Variants in ABHD8 observed in about 807,000 individuals in gnomAD.
The protein encoded by ABHD8 is abhydrolase domain containing 8, also known as protein ABHD8.
In ABHD8, 10 loss-of-function variants were observed where a neutral mutation model predicts 29.3. The ratio of observed to expected loss-of-function variants is 0.34; its 90% confidence interval spans 0.21 to 0.58. The LOEUF is 0.58. Ranked by LOEUF, ABHD8 falls within the 20% of genes least tolerant of loss-of-function variation. The pLI is 0.85. For synonymous variants in ABHD8, 282 were observed against 274.6 expected (o/e 1.03, Z -0.27); for missense variants, 556 against 615.3 (o/e 0.90, Z 1.02).
At position 17,302,843 on chromosome 19, in the gene ABHD8, C is replaced by T. The variant is rs1360345260; in HGVS notation, c.-9+399G>A. ...TTACATAACCTAAGGGGGGGATACC[C>T]GAGCAGTGCACCCCCATTGTCGAGG... On this transcript the variant is annotated intron_variant, in intron 1 of 4. Transcript: ENST00000247706. 3 of 152,342 alleles carry T rather than the reference C, an allele frequency of 2.0e-5. No individual in the cohort carries two copies. The East Asian group carries it at 5.8e-4, about 29-fold the overall frequency. The allele number at this position is 152,342 out of a possible 1,614,324, so 9.4% of individuals were successfully genotyped here.
intron 2 of ABHD8, among the ~76,000 whole-genome samples, chr19:17,297,307 T>G (rs1297971968): frequency 6.6e-6 from 1 of 152,044 alleles, no homozygotes; most frequent in Non-Finnish European, 1.5e-5. Flanking sequence ...TTTTTTGTTT[T>G]TTTCTCGAGA....
Position 17,301,207 on chromosome 19 carries a change from C to G in ABHD8, c.410G>C (p.Gly137Ala), listed in dbSNP as rs774320476. ...ACCACTGCCACTGCCGCTGCCGCTG[C>G]CTGCGCTGCCGGGGGCCAAGCGGCC... Reference protein sequence around the residue: ...SDGRLAPGSAGSGSGSGSGGR... With the variant: ...SDGRLAPGSAASGSGSGSGGR... The change falls in exon 2 of 5, where the codon GGC becomes GCC. Residue 137 changes from glycine to alanine, a missense_variant. Physicochemically the swap from Gly to Ala is moderately conservative, Grantham distance 60. Coordinates refer to ENST00000247706, the MANE Select transcript of ABHD8 (RefSeq NM_024527.5). 3.1e-6 allele frequency: 5 copies of G among 1,600,208 alleles called. No homozygotes were observed. The Admixed American group carries it at 8.5e-5, about 27-fold the overall frequency.
chr19:17,296,202 C>A (rs1207960661), intron 2 of ABHD8: 1 of 151,690 alleles, frequency 6.6e-6, no homozygotes, highest in Admixed American at 6.6e-5. Flanking sequence ...GAAGTTTCAC[C>A]AGACTTTTTA....
At chr19:17,295,255 G>A (rs1045994626) in intron 2 of ABHD8, among the ~76,000 whole-genome samples, 41 of 150,258 alleles carry the variant, frequency 2.7e-4, no homozygotes, top group South Asian at 8.4e-4. Context: ...ACAGGCGCCC[G>A]CCACCGCGCC....
At chr19:17,294,161 G>A (rs977652491) in intron 4 of ABHD8, 127 bp downstream of exon 4, 3 of 1,197,564 alleles carry the variant, frequency 2.5e-6, no homozygotes, top group Admixed American at 2.5e-5. Flanking sequence ...CGCCCACCCG[G>A]CAGCCACGCC....
At chr19:17,295,385 G>T (rs774067241) in intron 2 of ABHD8, among the ~76,000 whole-genome samples, 86 of 152,162 alleles carry the variant, frequency 5.7e-4, no homozygotes, top group Non-Finnish European at 1.0e-3. Flanking sequence ...GGGATTACAG[G>T]CCTGAGCCAC....
chr19:17,303,312 G>A lies in ABHD8; in HGVS notation c.-79C>T, dbSNP rs1174462244. The A allele has an allele frequency of 6.6e-6, 1 of 152,326 alleles. No individual in the cohort carries two copies. The highest frequency in any genetic ancestry group is 2.4e-5 in the African/African-American group (1 of 41,470). 9.4% of individuals were successfully genotyped at this position (152,326 alleles called of 1,614,324 possible). On this transcript the variant is annotated 5_prime_UTR_variant, in exon 1 of 5. Transcript: ENST00000247706. Reference sequence around the variant, plus strand: ...GCGGAGAAGCCAGCGTCCGCCTGCTGGCGCCGTTTACATGGTGGCGCGGGG... The same window carrying A: ...GCGGAGAAGCCAGCGTCCGCCTGCTAGCGCCGTTTACATGGTGGCGCGGGG...
chr19:17,299,241 C>CG (rs1057322317), intron 2 of ABHD8, among the ~76,000 whole-genome samples: 13 of 128,308 alleles, frequency 1.0e-4, no homozygotes, highest in Admixed American at 3.8e-4. Flanking sequence ...GAGACCCCCC[C>CG]CCCATTCTCT....
Position 17,301,250 on chromosome 19 carries a change from C to A in ABHD8, c.367G>T (p.Asp123Tyr), listed in dbSNP as rs750143429. 8.4e-5 allele frequency: 134 copies of A among 1,597,644 alleles called. No homozygotes were observed. Among genetic ancestry groups the A allele is most frequent in the Non-Finnish European group, 1.1e-4 (133 of 1,175,192 alleles). Reference sequence around the variant, plus strand: ...AAGCGGCCATCGCTGCCCGCCGGATCTGCCAGCTCCACCTCCAGGGCGGCC... The same window carrying A: ...AAGCGGCCATCGCTGCCCGCCGGATATGCCAGCTCCACCTCCAGGGCGGCC... ...PPAALEVELA[D>Y]PAGSDGRLAP... Residue 123 changes from aspartate (D) to tyrosine (Y), a missense_variant, in exon 2 of 5, where the codon GAT becomes TAT. Around this residue, in one of 2 missense-constraint regions of ABHD8, gnomAD observed 286 missense variants for 261.4 expected, o/e 1.09. Coordinates refer to ENST00000247706, the MANE Select transcript of ABHD8 (RefSeq NM_024527.5).
intron 3 of ABHD8, 66 bp downstream of exon 3, chr19:17,294,609 C>T: frequency 6.2e-7 from 1 of 1,606,712 alleles, no homozygotes; most frequent in Non-Finnish European, 8.5e-7. Context: ...CCCCTCCCAT[C>T]CAACTCGAGC....
intron 1 of ABHD8, among the ~76,000 whole-genome samples, 152 bp from the exon 2 acceptor site, chr19:17,301,776 TTGTGTGTGTG>T (rs10679164): frequency 0.12 from 17,189 of 147,440 alleles, 1,159 homozygotes; most frequent in Middle Eastern, 0.18. Flanking sequence ...ATTTTTTTGT[TTGTGTGTGTG>T]TGTGTGTGTG....
At chr19:17,298,684 GA>G (rs941159954) in intron 2 of ABHD8, among the ~76,000 whole-genome samples, 2 of 132,898 alleles carry the variant, frequency 1.5e-5, no homozygotes, top group South Asian at 2.5e-4. Flanking sequence ...GCCCCTCACA[GA>G]AAAAAAATAA....
chr19:17,299,336 C>T (rs760404186), intron 2 of ABHD8, among the ~76,000 whole-genome samples: 7 of 149,368 alleles, frequency 4.7e-5, no homozygotes, highest in Admixed American at 1.3e-4. Flanking sequence ...CCGAGGAGGG[C>T]GAATCACGAG....
chr19:17,303,376 TGGCGGTCA>T lies in ABHD8; in HGVS notation c.-151_-144del, dbSNP rs2145662874. 1.3e-5 allele frequency: 2 copies of T among 152,362 alleles called. No individual in the cohort carries two copies. Among genetic ancestry groups the T allele is most frequent in the South Asian group, 4.1e-4 (2 of 4,830 alleles). The allele number at this position is 152,362 out of a possible 1,614,324, so 9.4% of individuals were successfully genotyped here. ...GTCTACGCGGGCGGGCACCTGCCCCTGGCGGTCAGCGCAGGGGCATCCCGCGGCCGCCG... is the reference window on the plus strand; with the variant it reads ...GTCTACGCGGGCGGGCACCTGCCCCTGCGCAGGGGCATCCCGCGGCCGCCG... On this transcript the variant is annotated 5_prime_UTR_variant, in exon 1 of 5. An upstream open reading frame in the 5' UTR loses its in-frame stop. Transcript: ENST00000247706.
chr19:17,297,244 A>C (rs527898080), intron 2 of ABHD8, among the ~76,000 whole-genome samples: 73 of 152,206 alleles, frequency 4.8e-4, no homozygotes, highest in African/African-American at 1.7e-3. Context: ...GTGCTGACCT[A>C]ATAGCACTGT....
At position 17,292,716 on chromosome 19, in the gene ABHD8, G is replaced by A. The variant is rs1479351565; in HGVS notation, c.1265C>T (p.Pro422Leu). Residue 422 changes from proline to leucine, a missense_variant, in exon 5 of 5, where the codon CCC (proline) becomes CTC (leucine). This residue lies in a region of ABHD8 where 270 missense variants were observed against 353.9 expected (regional missense o/e 0.76). Coordinates refer to ENST00000247706, the MANE Select transcript of ABHD8 (RefSeq NM_024527.5). ...LHEFLLWEPE[P>L]SPKALPEPLP... ...TGGCTCCGGTAGAGCCTTGGGCGAG[G>A]GCTCGGGCTCCCAGAGCAGGAATTC... 3 of 1,613,576 alleles carry A rather than the reference G, an allele frequency of 1.9e-6. No individual in the cohort carries two copies. The highest frequency in any genetic ancestry group is 1.7e-5 in the Admixed American group (1 of 59,984).
At chr19:17,297,302 T>C (rs1372935830) in intron 2 of ABHD8, among the ~76,000 whole-genome samples, 2 of 152,076 alleles carry the variant, frequency 1.3e-5, no homozygotes, top group African/African-American at 4.8e-5. Flanking sequence ...TTTGTTTTTT[T>C]GTTTTTTTCT....
intron 2 of ABHD8, chr19:17,296,192 G>A (rs968958008): frequency 6.6e-6 from 1 of 151,728 alleles, no homozygotes; most frequent in Non-Finnish European, 1.5e-5. Flanking sequence ...TCTGGATCCA[G>A]AAGTTTCACC....
chr19:17,293,993 T>G (rs2074082116), intron 4 of ABHD8, among the ~76,000 whole-genome samples: 1 of 152,088 alleles, frequency 6.6e-6, no homozygotes, highest in Non-Finnish European at 1.5e-5. Context: ...CTCATACAAA[T>G]CCTCCGCTGT....
Sources: allele counts gnomAD v4.1 joint callset (sites outside exome capture counted in the v4.1 genomes callset), GRCh38; gene constraint gnomAD v4.1.1; regional missense constraint gnomAD v4.1.1; transcripts MANE v1.5; gene names NCBI Gene and HGNC (gene_info 2026-07-23, HGNC 2026-07-21).